PCCB: variants seen among roughly 807,000 people sequenced by gnomAD.
PCCB encodes the protein propionyl-CoA carboxylase beta chain, mitochondrial.
A neutral mutation model predicts 60.7 loss-of-function variants in PCCB; 43 were observed. The observed-to-expected ratio is 0.71, with a 90% CI of 0.55 to 0.91. PCCB has a LOEUF of 0.91. Among genes scored for constraint, PCCB ranks in the 40% least tolerant of loss-of-function variants. PCCB has a pLI of 0.00. For missense variants in PCCB, 766 were observed against 702.8 expected (o/e 1.09, Z -1.02); for synonymous variants, 276 against 255.9 (o/e 1.08, Z -0.75).
intron 5 of PCCB, among the ~76,000 whole-genome samples, chr3:136,277,369 C>T (rs554995263): frequency 2.0e-5 from 3 of 152,114 alleles, no homozygotes; most frequent in East Asian, 1.9e-4. Flanking sequence ...CTGGAGGTAG[C>T]GTTTACAAAA....
In PCCB at chr3:136,253,082, G is replaced by GTTTTTT. The variant is rs59099393; in HGVS notation, c.183+2544_183+2549dup. 8.4e-5 allele frequency among the ~76,000 whole-genome samples: 6 copies of GTTTTTT among 71,488 alleles called. 1 individual carries two copies. Among genetic ancestry groups the GTTTTTT allele is most frequent in the South Asian group, 5.7e-4 (1 of 1,760 alleles). The allele number at this position is 71,488 out of a possible 152,430, so 46.9% of individuals were successfully genotyped here. A position where few individuals can be genotyped will look rare whatever the true frequency, so the allele number is the denominator to read the frequency against. On this transcript the variant is annotated intron_variant, in intron 1 of 14. Coordinates refer to ENST00000251654, the MANE Select transcript of PCCB (RefSeq NM_000532.5). ...GAGCTTGGGAGTCCAAGCAATGGAG[G>GTTTTTT]TTTTTTTTTTTTTTTTTTTTTTTTT...
chr3:136,270,105 T>C (rs1942153399), intron 5 of PCCB, among the ~76,000 whole-genome samples: 1 of 152,016 alleles, frequency 6.6e-6, no homozygotes, highest in Non-Finnish European at 1.5e-5. Context: ...AATGCTTTTT[T>C]CTGCATCTGT....
rs745784923 is a variant in PCCB at position 136,303,475 on chromosome 3, G to A, written c.966+2364G>A. ...CTAAACTTCCTTCATTCCTGAAGTT[G>A]TATATTCTGTTTGCTAATGTTTTGA... On this transcript the variant is annotated intron_variant, in intron 9 of 14. Coordinates refer to ENST00000251654, the MANE Select transcript of PCCB (RefSeq NM_000532.5). Among the ~76,000 whole-genome samples the A allele has an allele frequency of 1.6e-5, 2 of 122,202 alleles. 1 individual carries two copies. Among genetic ancestry groups the A allele is most frequent in the Non-Finnish European group, 3.6e-5 (2 of 54,994 alleles). 80.2% of individuals were successfully genotyped at this position (122,202 alleles called of 152,430 possible).
At position 136,304,840 on chromosome 3, in the gene PCCB, C is replaced by T. The variant is rs1224856362; in HGVS notation, c.966+3729C>T. Among the ~76,000 whole-genome samples the T allele has an allele frequency of 1.0e-4, 12 of 119,052 alleles. 3 individuals are homozygous for T. The highest frequency in any genetic ancestry group is 1.9e-4 in the Non-Finnish European group (10 of 53,578). The allele number at this position is 119,052 out of a possible 152,430, so 78.1% of individuals were successfully genotyped here. ...CTGAATAGCTGTGATTTCAGGCACC[C>T]GCCACCACGCTTGGCTAATTTTTGT... On this transcript the variant is annotated intron_variant, in intron 9 of 14. Coordinates refer to ENST00000251654, the MANE Select transcript of PCCB (RefSeq NM_000532.5).
rs546114944 is a variant in PCCB, at chr3:136,272,107, A to G, written c.543+10042A>G. Among the ~76,000 whole-genome samples the G allele has an allele frequency of 5.9e-5, 9 of 152,258 alleles. No homozygotes were observed. In the South Asian group the frequency reaches 6.2e-4, roughly 11 times the overall value. ...TTATTGCATGCTTTTTCTGCATGCA[A>G]TTGAGATGATCATATGGTTTTTGTT... On this transcript the variant is annotated intron_variant, in intron 5 of 14. Transcript: ENST00000251654.
rs1049997800 is a variant in PCCB, at chr3:136,323,376, G to T, written c.1091-3427G>T. The stretch of plus-strand genomic sequence containing the variant: ...TGCTCAAATCTCCTATTGAATCCTT[G>T]TAGTGAATTTTTCATTTCATTTATT... On this transcript the variant is annotated intron_variant, in intron 10 of 14. Coordinates refer to ENST00000251654, the MANE Select transcript of PCCB (RefSeq NM_000532.5). 2.0e-5 allele frequency among the ~76,000 whole-genome samples: 3 copies of T among 152,030 alleles called. No individual in the cohort carries two copies. The South Asian group carries it at 6.2e-4, about 32-fold the overall frequency.
chr3:136,318,391 A>G (rs1164840244), intron 10 of PCCB, among the ~76,000 whole-genome samples: 2 of 152,184 alleles, frequency 1.3e-5, no homozygotes, highest in African/African-American at 2.4e-5. Flanking sequence ...CCCCAAAAAA[A>G]AAATTTTGTC....
At chr3:136,286,911 A>G (rs1436316175) in intron 6 of PCCB, among the ~76,000 whole-genome samples, 4 of 151,958 alleles carry the variant, frequency 2.6e-5, no homozygotes, top group African/African-American at 9.7e-5. Flanking sequence ...CGTGCTTGTA[A>G]TACCAGCTAC....
At chr3:136,260,384 CTT>C in intron 3 of PCCB, 93 bp from the exon 4 acceptor site, 1 of 1,121,194 alleles carries the variant, frequency 8.9e-7, no homozygotes, top group Non-Finnish European at 1.3e-6. Flanking sequence ...GGCCTAAAAA[CTT>C]TTATCTGTGA....
intron 1 of PCCB, among the ~76,000 whole-genome samples, chr3:136,251,702 A>G (rs898670963): frequency 6.6e-6 from 1 of 152,068 alleles, no homozygotes; most frequent in Admixed American, 6.6e-5. Context: ...AAGGCCTGTC[A>G]GTGCTCCTGT....
chr3:136,263,208 C>T (rs1220389373), intron 5 of PCCB, among the ~76,000 whole-genome samples: 1 of 151,446 alleles, frequency 6.6e-6, no homozygotes, highest in Non-Finnish European at 1.5e-5. Context: ...CCACCTCGGC[C>T]TCCTAAAGTG....
intron 9 of PCCB, among the ~76,000 whole-genome samples, chr3:136,314,688 C>CA (rs959605474): frequency 6.6e-6 from 1 of 151,862 alleles, no homozygotes; most frequent in Non-Finnish European, 1.5e-5. Context: ...AAAAACAAAA[C>CA]AAAAAAACTC....
At chr3:136,308,155 A>G (rs1311180987) in intron 9 of PCCB, among the ~76,000 whole-genome samples, 1 of 152,086 alleles carries the variant, frequency 6.6e-6, no homozygotes, top group Non-Finnish European at 1.5e-5. Context: ...TACTGGGAGA[A>G]TGGAAACAAT....
intron 1 of PCCB, 54 bp downstream of exon 1, chr3:136,250,612 C>T (rs1044957280): frequency 7.2e-6 from 11 of 1,538,114 alleles, no homozygotes; most frequent in Middle Eastern, 2.0e-4. Context: ...CGACCTATCA[C>T]TGCGTGCCCG....
intron 5 of PCCB, among the ~76,000 whole-genome samples, chr3:136,265,987 G>A (rs374325394): frequency 2.0e-5 from 3 of 151,908 alleles, no homozygotes; most frequent in Admixed American, 6.6e-5. Context: ...CATCACGCCC[G>A]GCTAATTTTT....
At chr3:136,274,953 G>C (rs1407296820) in intron 5 of PCCB, among the ~76,000 whole-genome samples, 1 of 151,854 alleles carries the variant, frequency 6.6e-6, no homozygotes, top group Admixed American at 6.6e-5. Context: ...TGGGACTACA[G>C]GCACATGCCA....
rs546445188 is a variant in PCCB at position 136,330,058 on chromosome 3, A to C, written c.*32A>C. The stretch of plus-strand genomic sequence containing the variant: ...CAAAGGAAAAGAAACCAAGAACTGA[A>C]TTACTGTCTGCCCATTCACATCCCA... On this transcript the variant is annotated 3_prime_UTR_variant, in exon 15 of 15. Transcript: ENST00000251654. 3 of 1,613,542 alleles carry C rather than the reference A, an allele frequency of 1.9e-6. No individual in the cohort carries two copies. Among genetic ancestry groups the C allele is most frequent in the Non-Finnish European group, 2.5e-6 (3 of 1,179,732 alleles).
At chr3:136,322,729 C>A (rs1260746342) in intron 10 of PCCB, among the ~76,000 whole-genome samples, 1 of 152,128 alleles carries the variant, frequency 6.6e-6, no homozygotes, top group African/African-American at 2.4e-5. Flanking sequence ...GTCTAGTGTT[C>A]TTTTCTTTTA....
At chr3:136,272,405 A>G (rs982846614) in intron 5 of PCCB, among the ~76,000 whole-genome samples, 4 of 151,870 alleles carry the variant, frequency 2.6e-5, no homozygotes, top group Non-Finnish European at 4.4e-5. Context: ...CTCTTTCTCA[A>G]TCTTTTGGAA....
Sources: allele counts gnomAD v4.1 joint callset (sites outside exome capture counted in the v4.1 genomes callset), GRCh38; gene constraint gnomAD v4.1.1; transcripts MANE v1.5; gene names NCBI Gene and HGNC (gene_info 2026-07-23, HGNC 2026-07-21).